The following NAALADL2 variants were observed in gnomAD, a reference collection of about 807,000 sequenced individuals.
NAALADL2 encodes inactive N-acetylated-alpha-linked acidic dipeptidase-like protein 2.
A neutral mutation model predicts 87.2 loss-of-function variants in NAALADL2; 76 were observed. The ratio of observed to expected loss-of-function variants is 0.87; its 90% confidence interval spans 0.72 to 1.05. The LOEUF (loss-of-function observed/expected upper bound fraction) is 1.05, where lower values mean the gene tolerates loss of function less well. Ranked by LOEUF, NAALADL2 falls within the 50% of genes least tolerant of loss-of-function variation. The pLI, the probability that NAALADL2 is intolerant of heterozygous loss-of-function variation, is 0.00. For synonymous variants in NAALADL2, 354 were observed against 331.0 expected (o/e 1.07, Z -0.75); for missense variants, 1,089 against 945.8 (o/e 1.15, Z -1.99).
At chr3:175,339,395 A>G (rs182066770) in intron 5 of NAALADL2, among the ~76,000 whole-genome samples, 2 of 152,290 alleles carry the variant, frequency 1.3e-5, no homozygotes, top group Admixed American at 6.5e-5. Context: ...ATGATTCACA[A>G]TTTGAGATTT....
chr3:175,366,348 A>G (rs1223198599), intron 5 of NAALADL2, among the ~76,000 whole-genome samples: 1 of 151,788 alleles, frequency 6.6e-6, no homozygotes, highest in Non-Finnish European at 1.5e-5. Flanking sequence ...TAACAGCATG[A>G]TTTATAGTCC....
In NAALADL2 at chr3:175,518,580, C is replaced by A. The variant is rs961158793; in HGVS notation, c.1653+46822C>A. On this transcript the variant is annotated intron_variant, in intron 9 of 13. Transcript: ENST00000454872. ...TCCAAGGTCATAGGGCCCCATCTGG[C>A]AAGAGCCTTCCTGCTGATGGGGACT... 3.9e-5 allele frequency among the ~76,000 whole-genome samples: 6 copies of A among 152,204 alleles called. No homozygotes were observed. The South Asian group carries it at 1.2e-3, about 32-fold the overall frequency.
At chr3:174,714,553 C>T (rs1041085684) in intron 2 of NAALADL2, among the ~76,000 whole-genome samples, 1 of 152,106 alleles carries the variant, frequency 6.6e-6, no homozygotes, top group African/African-American at 2.4e-5. Context: ...ATTTTCTTCT[C>T]TTTGAAGCAG....
intron 2 of NAALADL2, among the ~76,000 whole-genome samples, chr3:175,149,487 T>A (rs1030484525): frequency 6.6e-6 from 1 of 152,102 alleles, no homozygotes; most frequent in Non-Finnish European, 1.5e-5. Context: ...AATACCACAT[T>A]GTGTAACTAA....
intron 1 of NAALADL2, among the ~76,000 whole-genome samples, chr3:174,932,426 C>G (rs1737036588): frequency 6.6e-6 from 1 of 152,124 alleles, no homozygotes; most frequent in East Asian, 1.9e-4. Context: ...ATTCATCTGT[C>G]TTAATTTCTC....
chr3:175,260,944 C>T (rs1291421096), intron 4 of NAALADL2, among the ~76,000 whole-genome samples: 2 of 151,906 alleles, frequency 1.3e-5, no homozygotes, highest in Non-Finnish European at 2.9e-5. Flanking sequence ...ATGAGAAAAT[C>T]CCAACATTGC....
intron 2 of NAALADL2, among the ~76,000 whole-genome samples, chr3:174,727,280 T>TAA (rs34713382): frequency 6.8e-6 from 1 of 146,620 alleles, no homozygotes; most frequent in African/African-American, 2.5e-5. Flanking sequence ...TTCCACTTTC[T>TAA]AAAAAAAAAA....
intron 1 of NAALADL2, among the ~76,000 whole-genome samples, chr3:175,063,824 AG>A (rs1489060770): frequency 6.6e-6 from 1 of 152,100 alleles, no homozygotes; most frequent in Non-Finnish European, 1.5e-5. Context: ...GCTTTTTAGC[AG>A]TTTAAAATAA....
At chr3:175,371,275 A>ATTG (rs1325488189) in intron 5 of NAALADL2, among the ~76,000 whole-genome samples, 1 of 151,902 alleles carries the variant, frequency 6.6e-6, no homozygotes, top group Non-Finnish European at 1.5e-5. Flanking sequence ...TATTATTATT[A>ATTG]TTATTTTTTG....
At chr3:175,280,684 C>A (rs144654542) in intron 4 of NAALADL2, among the ~76,000 whole-genome samples, 16 of 152,100 alleles carry the variant, frequency 1.1e-4, no homozygotes, top group African/African-American at 3.4e-4. Flanking sequence ...TTTCCTGTTC[C>A]TGATAGGCTT....
upstream of NAALADL2, among the ~76,000 whole-genome samples, chr3:174,855,990 A>G (rs529643614): frequency 0.026 from 3,873 of 149,726 alleles, 209 homozygotes; most frequent in African/African-American, 0.091. Flanking sequence ...GTATATATAT[A>G]TATATATATA....
At chr3:175,365,165 A>T (rs1345732393) in intron 5 of NAALADL2, among the ~76,000 whole-genome samples, 5 of 147,636 alleles carry the variant, frequency 3.4e-5, no homozygotes, top group African/African-American at 1.2e-4. Context: ...CAAAGTGAGT[A>T]TATCAGATAA....
At chr3:174,871,683 C>A (rs1012699427) in intron 1 of NAALADL2, among the ~76,000 whole-genome samples, 2 of 152,168 alleles carry the variant, frequency 1.3e-5, no homozygotes, top group East Asian at 1.9e-4. Context: ...TGGATCACCT[C>A]GGGTCAGAAG....
chr3:174,573,055 C>T (rs958884352), intron 2 of NAALADL2, among the ~76,000 whole-genome samples: 3 of 152,118 alleles, frequency 2.0e-5, no homozygotes, highest in Admixed American at 2.0e-4. Flanking sequence ...TAACCAACAG[C>T]TCATCACAGA....
intron 1 of NAALADL2, among the ~76,000 whole-genome samples, chr3:175,054,444 A>G (rs1324018628): frequency 6.6e-6 from 1 of 152,220 alleles, no homozygotes; most frequent in Non-Finnish European, 1.5e-5. Context: ...TGGGTTGTAT[A>G]ACTGAATTGA....
At chr3:174,538,191 T>G (rs547189941) in intron 1 of NAALADL2, among the ~76,000 whole-genome samples, 1 of 152,296 alleles carries the variant, frequency 6.6e-6, no homozygotes, top group Non-Finnish European at 1.5e-5. Context: ...TTTTTACTTT[T>G]AGATTCACAA....
intron 11 of NAALADL2, among the ~76,000 whole-genome samples, chr3:175,645,794 C>T (rs1729928163): frequency 6.6e-6 from 1 of 152,028 alleles, no homozygotes; most frequent in Non-Finnish European, 1.5e-5. Flanking sequence ...AGCAAGTTTC[C>T]AAGACAGTGT....
At chr3:175,293,431 AAAG>A (rs1755909577) in intron 4 of NAALADL2, among the ~76,000 whole-genome samples, 3 of 152,228 alleles carry the variant, frequency 2.0e-5, no homozygotes, top group African/African-American at 7.2e-5. Context: ...TATGGAAAAA[AAAG>A]ATGGGCAAAC....
chr3:175,473,042 T>A (rs1725123392), intron 9 of NAALADL2, among the ~76,000 whole-genome samples: 1 of 152,176 alleles, frequency 6.6e-6, no homozygotes, highest in Non-Finnish European at 1.5e-5. Context: ...GTGACAAGTT[T>A]TATATTTTGA....
Sources: gnomAD v4.1 joint callset for allele counts (sites outside exome capture counted in the v4.1 genomes callset) on GRCh38, gnomAD v4.1.1 for gene constraint, MANE v1.5 for transcripts, NCBI Gene and HGNC (gene_info 2026-07-23, HGNC 2026-07-21) for gene names.